Variants in ADAM22 observed in about 807,000 individuals in gnomAD.
The protein encoded by ADAM22 is ADAM metallopeptidase domain 22.
In ADAM22, 65 loss-of-function variants were observed where a neutral mutation model predicts 144.6. That is an observed-to-expected ratio of 0.45 (90% CI 0.37 to 0.55). The LOEUF is 0.55. Ranked by LOEUF, ADAM22 falls within the 20% of genes least tolerant of loss-of-function variation. The pLI is 0.00. For synonymous variants in ADAM22, 391 were observed against 412.6 expected, an observed-to-expected ratio of 0.95 and a Z score of 0.63; for missense variants, 974 against 1,184.9, an observed-to-expected ratio of 0.82 and a Z score of 2.61.
chr7:87,941,512 T>A (rs569828698), intron 2 of ADAM22, among the ~76,000 whole-genome samples: 145 of 152,206 alleles, frequency 9.5e-4, no homozygotes, highest in African/African-American at 3.0e-3. Context: ...TTTTTTTTTT[T>A]ATACTGTGCA....
chr7:88,105,206 G>A (rs1466595944), intron 4 of ADAM22, among the ~76,000 whole-genome samples: 1 of 152,044 alleles, frequency 6.6e-6, no homozygotes, highest in Non-Finnish European at 1.5e-5. Flanking sequence ...TAATTCTCGA[G>A]AATTTTTTTT....
intron 3 of ADAM22, among the ~76,000 whole-genome samples, chr7:88,007,853 T>C (rs1449987805): frequency 1.3e-5 from 2 of 152,132 alleles, no homozygotes; most frequent in African/African-American, 2.4e-5. Flanking sequence ...GGACTTCATG[T>C]CTAAAACACC....
intron 2 of ADAM22, among the ~76,000 whole-genome samples, chr7:87,956,108 G>A (rs975826668): frequency 2.8e-4 from 42 of 152,074 alleles, no homozygotes; most frequent in Admixed American, 3.3e-4. Context: ...ACCCTGCTTC[G>A]GCTGGCGCAC....
intron 10 of ADAM22, 35 bp from the exon 11 acceptor site, chr7:88,131,233 TG>T: frequency 6.4e-7 from 1 of 1,571,926 alleles, no homozygotes; most frequent in Non-Finnish European, 8.7e-7. Context: ...TTTTACCACA[TG>T]TACAGCTGAT....
At chr7:88,108,033 A>G in intron 4 of ADAM22, 143 bp from the exon 5 acceptor site, 1 of 609,746 alleles carries the variant, frequency 1.6e-6, no homozygotes. Context: ...GTTAGAAAAG[A>G]TTTGATAATG....
chr7:88,140,418 A>C (rs1047413982), intron 14 of ADAM22, among the ~76,000 whole-genome samples: 2 of 152,176 alleles, frequency 1.3e-5, no homozygotes, highest in African/African-American at 4.8e-5. Context: ...ACATTATTAC[A>C]TAAAAGTTGA....
At chr7:88,108,302 A>C (rs771399021) in intron 5 of ADAM22, 44 bp downstream of exon 5, 1 of 1,525,056 alleles carries the variant, frequency 6.6e-7, no homozygotes, top group African/African-American at 1.4e-5. Flanking sequence ...TTTTTCAATA[A>C]TTTATTTTCT....
intron 7 of ADAM22, among the ~76,000 whole-genome samples, chr7:88,122,940 T>G (rs1829644367): frequency 6.6e-6 from 1 of 152,228 alleles, no homozygotes; most frequent in Non-Finnish European, 1.5e-5. Context: ...AGTAGTTTTA[T>G]CAGTCTGCTA....
intron 4 of ADAM22, among the ~76,000 whole-genome samples, chr7:88,105,153 T>G (rs750607272): frequency 6.6e-6 from 1 of 152,334 alleles, no homozygotes; most frequent in African/African-American, 2.4e-5. Context: ...TTGACATGTA[T>G]TCTCATGACT....
At chr7:88,094,809 A>G (rs1407561332) in intron 4 of ADAM22, among the ~76,000 whole-genome samples, 1 of 152,172 alleles carries the variant, frequency 6.6e-6, no homozygotes, top group Non-Finnish European at 1.5e-5. Flanking sequence ...GTGTTAACAA[A>G]TGGTACCCAT....
intron 12 of ADAM22, 93 bp downstream of exon 12, chr7:88,133,044 C>T: frequency 1.8e-6 from 2 of 1,129,026 alleles, no homozygotes; most frequent in Non-Finnish European, 2.6e-6. Context: ...TTCACATACT[C>T]CAGATGTTAG....
intron 30 of ADAM22, among the ~76,000 whole-genome samples, chr7:88,188,733 C>T (rs926970908): frequency 2.6e-5 from 4 of 152,210 alleles, no homozygotes; most frequent in African/African-American, 9.7e-5. Flanking sequence ...ACATAGGAGA[C>T]CCAAAGTGCA....
chr7:88,041,783 G>A (rs1803192906), intron 3 of ADAM22, among the ~76,000 whole-genome samples: 1 of 151,794 alleles, frequency 6.6e-6, no homozygotes, highest in African/African-American at 2.4e-5. Flanking sequence ...TCAAATTATG[G>A]CTTTCATCCT....
rs187566868 is a variant in ADAM22, at chr7:88,048,589, A to G, written c.324-27037A>G. On this transcript the variant is annotated intron_variant, in intron 3 of 31. Coordinates refer to ENST00000413139, the MANE Select transcript of ADAM22 (RefSeq NM_001324418.2). ...ATTGAACATATGTTTTGAAATGTAT[A>G]TTGGCCATTTGTAGGCATTTTATGA... Among the ~76,000 whole-genome samples, 51 of 152,200 alleles carry G rather than the reference A, an allele frequency of 3.4e-4. No homozygotes were observed. In the East Asian group the frequency reaches 9.3e-3, roughly 28 times the overall value.
intron 29 of ADAM22, 94 bp downstream of exon 29, chr7:88,182,118 C>T (rs1384216357): frequency 1.8e-6 from 2 of 1,122,676 alleles, no homozygotes; most frequent in African/African-American, 1.6e-5. Flanking sequence ...AACTGTAAAC[C>T]ATGTCTCCGG....
chr7:88,103,839 A>G (rs1207440890), intron 4 of ADAM22, among the ~76,000 whole-genome samples: 4 of 152,200 alleles, frequency 2.6e-5, no homozygotes. Context: ...GATTTGAGAA[A>G]GTTGGTTTGT....
In ADAM22 at chr7:87,994,317, C is replaced by T. The variant is rs188569645; in HGVS notation, c.323+15905C>T. Among the ~76,000 whole-genome samples the T allele has an allele frequency of 2.8e-3, 420 of 152,238 alleles. 4 individuals carry two copies. The highest frequency in any genetic ancestry group is 9.5e-3 in the African/African-American group (394 of 41,548). On this transcript the variant is annotated intron_variant, in intron 3 of 31. Transcript: ENST00000413139. ...CTGGGACTACAGGCGCCCGCCACCA[C>T]GCCCGGCTAATTTTTTATATTTTTT... is the stretch of plus-strand genomic sequence containing the variant.
intron 3 of ADAM22, among the ~76,000 whole-genome samples, chr7:88,041,987 G>A (rs1803235650): frequency 6.6e-6 from 1 of 152,136 alleles, no homozygotes; most frequent in East Asian, 1.9e-4. Flanking sequence ...TTTATAAATA[G>A]CACCTGTTTC....
intron 4 of ADAM22, among the ~76,000 whole-genome samples, chr7:88,079,219 A>C (rs1482248116): frequency 1.3e-5 from 2 of 152,168 alleles, no homozygotes; most frequent in Admixed American, 1.3e-4. Flanking sequence ...AGAATTTTCA[A>C]CCCAGAATTT....
Sources: gnomAD v4.1 joint callset for allele counts (sites outside exome capture counted in the v4.1 genomes callset) on GRCh38, gnomAD v4.1.1 for gene constraint, MANE v1.5 for transcripts, NCBI Gene and HGNC (gene_info 2026-07-23, HGNC 2026-07-21) for gene names.